Variants in AGAP1 observed in about 807,000 individuals in gnomAD.
AGAP1 encodes ArfGAP with GTPase domain, ankyrin repeat and PH domain 1.
In AGAP1, 29 loss-of-function variants were observed where a neutral mutation model predicts 105.3. That is an observed-to-expected ratio of 0.28 (90% CI 0.21 to 0.38). The LOEUF is 0.38. Among genes scored for constraint, AGAP1 ranks in the 10% least tolerant of loss-of-function variants. The pLI is 1.00. For synonymous variants in AGAP1, 509 were observed against 485.9 expected (o/e 1.05, Z -0.63); for missense variants, 998 against 1,165.1 (o/e 0.86, Z 2.09).
At position 235,888,479 on chromosome 2, in the gene AGAP1, C is replaced by T. The variant is rs7609140; in HGVS notation, c.1155+5030C>T. Among the ~76,000 whole-genome samples, 6,904 of 152,092 alleles carry T rather than the reference C, an allele frequency of 0.045. 365 individuals carry two copies. The highest frequency in any genetic ancestry group is 0.13 in the African/African-American group (5,289 of 41,482). On this transcript the variant is annotated intron_variant, in intron 10 of 17. Coordinates refer to ENST00000304032, the MANE Select transcript of AGAP1 (RefSeq NM_001037131.3). This position sits in a 1 kb window ranked among gnomAD's most constrained non-coding sequence, Gnocchi z 4.8. Reference sequence around the variant, plus strand: ...CCCAACCAGTCCTCCCTAGACAAGACAGGCAAGCAAGGGCCGAGTTGATAG... The same window carrying T: ...CCCAACCAGTCCTCCCTAGACAAGATAGGCAAGCAAGGGCCGAGTTGATAG...
intron 1 of AGAP1, among the ~76,000 whole-genome samples, chr2:235,657,464 T>C (rs1212883423): frequency 1.3e-5 from 2 of 152,174 alleles, no homozygotes; most frequent in South Asian, 2.1e-4. Flanking sequence ...CTGCAACCTC[T>C]GCCTCTCGGG....
rs939608601 is a variant in AGAP1 at position 235,793,874 on chromosome 2, C to T, written c.674-3885C>T. On this transcript the variant is annotated intron_variant, in intron 6 of 17. Transcript: ENST00000304032. This position sits in a 1 kb window ranked among gnomAD's most constrained non-coding sequence, Gnocchi z 5.3. Reference sequence around the variant, plus strand: ...CCACTAATTAAAGGGTGCTATTTCCCTCTATAGAATAGAACATTTACAGTT... The same window carrying T: ...CCACTAATTAAAGGGTGCTATTTCCTTCTATAGAATAGAACATTTACAGTT... Among the ~76,000 whole-genome samples the T allele has an allele frequency of 2.0e-5, 3 of 152,170 alleles. No individual in the cohort carries two copies. The highest frequency in any genetic ancestry group is 6.5e-5 in the Admixed American group (1 of 15,278).
chr2:236,002,936 A>G lies in AGAP1; in HGVS notation c.1646-33625A>G, dbSNP rs888686979. Among the ~76,000 whole-genome samples the G allele has an allele frequency of 1.3e-5, 2 of 152,156 alleles. No individual in the cohort carries two copies. The highest frequency in any genetic ancestry group is 4.8e-5 in the African/African-American group (2 of 41,438). ...GGGTCGCTGGGTTCCAGGCGCAGCC[A>G]TGAGACACCTGCTCTGCACCCAGCT... On this transcript the variant is annotated intron_variant, in intron 13 of 17. Transcript: ENST00000304032. This position sits in a 1 kb window ranked among gnomAD's most constrained non-coding sequence, Gnocchi z 4.3.
chr2:235,716,057 A>G lies in AGAP1; in HGVS notation c.223-1500A>G, dbSNP rs1295381587. ...CGGCCAGGGGATGCGATTTGGGAATAGGCAGCTTTTTTTTCCCCCCACATC... is the reference window on the plus strand; with the variant it reads ...CGGCCAGGGGATGCGATTTGGGAATGGGCAGCTTTTTTTTCCCCCCACATC... On this transcript the variant is annotated intron_variant, in intron 2 of 17. Coordinates refer to ENST00000304032, the MANE Select transcript of AGAP1 (RefSeq NM_001037131.3). This position sits in a 1 kb window ranked among gnomAD's most constrained non-coding sequence, Gnocchi z 4.0. Among the ~76,000 whole-genome samples the G allele has an allele frequency of 6.6e-6, 1 of 152,112 alleles. No individual in the cohort carries two copies. Among genetic ancestry groups the G allele is most frequent in the Non-Finnish European group, 1.5e-5 (1 of 68,044 alleles).
chr2:235,530,434 A>G (rs1419561070), intron 1 of AGAP1, among the ~76,000 whole-genome samples: 1 of 152,190 alleles, frequency 6.6e-6, no homozygotes, highest in Non-Finnish European at 1.5e-5. Flanking sequence ...GCTTCAAACA[A>G]CACACATTTA....
chr2:235,565,301 G>A (rs1276168706), intron 1 of AGAP1, among the ~76,000 whole-genome samples: 1 of 152,150 alleles, frequency 6.6e-6, no homozygotes, highest in Non-Finnish European at 1.5e-5. Context: ...CCTGGCATTG[G>A]CCCCATGCCA....
intron 1 of AGAP1, among the ~76,000 whole-genome samples, chr2:235,548,697 C>G (rs1943707245): frequency 1.3e-5 from 2 of 151,896 alleles, no homozygotes; most frequent in South Asian, 4.2e-4. Context: ...GACCTGCAGC[C>G]CCTTATCTGG....
chr2:235,678,052 G>A (rs1373933233), intron 1 of AGAP1, among the ~76,000 whole-genome samples: 2 of 150,796 alleles, frequency 1.3e-5, no homozygotes, highest in East Asian at 2.0e-4. Flanking sequence ...AAGTGCTGCC[G>A]CCTCAGGAGC....
intron 1 of AGAP1, among the ~76,000 whole-genome samples, chr2:235,567,623 C>T (rs1435691681): frequency 6.6e-6 from 1 of 152,284 alleles, no homozygotes; most frequent in South Asian, 2.1e-4. Flanking sequence ...CAACCTGCTT[C>T]CCAGCCGGTC....
At chr2:235,591,717 C>T (rs1271315989) in intron 1 of AGAP1, among the ~76,000 whole-genome samples, 1 of 152,132 alleles carries the variant, frequency 6.6e-6, no homozygotes, top group African/African-American at 2.4e-5. Flanking sequence ...AGCACCATCC[C>T]CTTGGCGATG....
chr2:235,855,901 A>G lies in AGAP1; in HGVS notation c.1051-27444A>G, dbSNP rs1447442795. Among the ~76,000 whole-genome samples the G allele has an allele frequency of 6.6e-6, 1 of 151,968 alleles. No individual in the cohort carries two copies. Among genetic ancestry groups the G allele is most frequent in the Admixed American group, 6.5e-5 (1 of 15,276 alleles). Reference sequence around the variant, plus strand: ...TTGTCTCAGAAGTACTGAGAATATTATTATTATCATTATTATTATTATTTT... The same window carrying G: ...TTGTCTCAGAAGTACTGAGAATATTGTTATTATCATTATTATTATTATTTT... On this transcript the variant is annotated intron_variant, in intron 9 of 17. Transcript: ENST00000304032. This position sits in a 1 kb window ranked among gnomAD's most constrained non-coding sequence, Gnocchi z 5.0.
Position 235,639,027 on chromosome 2 carries a change from A to G in AGAP1, c.164-70152A>G, listed in dbSNP as rs752782474. Among the ~76,000 whole-genome samples the G allele has an allele frequency of 2.6e-5, 4 of 152,152 alleles. No individual in the cohort carries two copies. The highest frequency in any genetic ancestry group is 5.9e-5 in the Non-Finnish European group (4 of 68,034). On this transcript the variant is annotated intron_variant, in intron 1 of 17. Coordinates refer to ENST00000304032, the MANE Select transcript of AGAP1 (RefSeq NM_001037131.3). The surrounding 1 kb of genome is among the most constrained non-coding windows in gnomAD (Gnocchi z 5.3). ...CACCTGCTGAGACCCACTGGTTAAA[A>G]TAGTGTCAGTAGGGGTGGAGAGAAG... is the stretch of plus-strand genomic sequence containing the variant.
intron 11 of AGAP1, among the ~76,000 whole-genome samples, chr2:235,918,379 A>G (rs1027009413): frequency 1.3e-5 from 2 of 152,234 alleles, no homozygotes; most frequent in Non-Finnish European, 2.9e-5. Context: ...CTATTTGACA[A>G]TTTTTAGGGA....
At chr2:236,029,525 A>G (rs924819789) in intron 13 of AGAP1, among the ~76,000 whole-genome samples, 2 of 151,200 alleles carry the variant, frequency 1.3e-5, no homozygotes, top group Non-Finnish European at 2.9e-5. Context: ...ACCTCAGATG[A>G]TCCACCTGCC....
At chr2:235,508,957 C>T (rs1169913663) in intron 1 of AGAP1, among the ~76,000 whole-genome samples, 1 of 152,176 alleles carries the variant, frequency 6.6e-6, no homozygotes, top group African/African-American at 2.4e-5. Flanking sequence ...GAGTGTGTCG[C>T]CAAACTCCAC....
At chr2:235,497,229 T>C (rs1233692284) in intron 1 of AGAP1, among the ~76,000 whole-genome samples, 1 of 152,126 alleles carries the variant, frequency 6.6e-6, no homozygotes, top group Non-Finnish European at 1.5e-5. Context: ...TGGTTTGAAG[T>C]CTGATCTGAA....
rs1383350116 is a variant in AGAP1 at position 236,036,885 on chromosome 2, C to CT, written c.1800+171dup. Among the ~76,000 whole-genome samples the CT allele has an allele frequency of 7.2e-5, 11 of 152,218 alleles. No homozygotes were observed. The highest frequency in any genetic ancestry group is 2.4e-4 in the African/African-American group (10 of 41,462). ...TAAAACGATCAGAAGCACTTTGTGTCTATACCATCATACATGAGTATTCCA... is the reference window on the plus strand; with the variant it reads ...TAAAACGATCAGAAGCACTTTGTGTCTTATACCATCATACATGAGTATTCCA... On this transcript the variant is annotated intron_variant, in intron 14 of 17. Coordinates refer to ENST00000304032, the MANE Select transcript of AGAP1 (RefSeq NM_001037131.3). This position sits in a 1 kb window ranked among gnomAD's most constrained non-coding sequence, Gnocchi z 5.7.
chr2:235,797,731 G>T, intron 6 of AGAP1, 28 bp from the exon 7 acceptor site: 1 of 1,613,876 alleles, frequency 6.2e-7, no homozygotes, highest in East Asian at 2.2e-5. Context: ...GATTGACATG[G>T]ATTTCTTTTT....
At position 236,128,083 on chromosome 2, in the gene AGAP1, C is replaced by G. The variant is rs1025283518; in HGVS notation, c.*3961C>G. On this transcript the variant is annotated 3_prime_UTR_variant, in exon 18 of 18. Coordinates refer to ENST00000304032, the MANE Select transcript of AGAP1 (RefSeq NM_001037131.3). This position sits in a 1 kb window ranked among gnomAD's most constrained non-coding sequence, Gnocchi z 5.9. ...GATGGGCACGTTTGCCAACCCCCCCCCCCCAGTAGAGCCCAGGACCCTCCT... is the reference window on the plus strand; with the variant it reads ...GATGGGCACGTTTGCCAACCCCCCCGCCCCAGTAGAGCCCAGGACCCTCCT... 2 of 151,660 alleles carry G rather than the reference C, an allele frequency of 1.3e-5. No individual in the cohort carries two copies. Among genetic ancestry groups the G allele is most frequent in the Admixed American group, 6.6e-5 (1 of 15,212 alleles). The allele number at this position is 151,660 out of a possible 1,614,324, so 9.4% of individuals were successfully genotyped here.
Sources: gnomAD v4.1 joint callset for allele counts (sites outside exome capture counted in the v4.1 genomes callset) on GRCh38, gnomAD v4.1.1 for gene constraint, Gnocchi (gnomAD v3.1) non-coding constraint, MANE v1.5 for transcripts, NCBI Gene and HGNC (gene_info 2026-07-23, HGNC 2026-07-21) for gene names.